The following LMO7 variants were observed in gnomAD, a reference collection of about 807,000 sequenced individuals.
The protein encoded by LMO7 is LIM domain only protein 7.
In LMO7, 120 loss-of-function variants were observed where a neutral mutation model predicts 206.5. That is an observed-to-expected ratio of 0.58 (90% CI 0.50 to 0.68). The LOEUF is 0.68. Ranked by LOEUF, LMO7 falls within the 30% of genes least tolerant of loss-of-function variation. The pLI is 0.00. For synonymous variants in LMO7, 706 were observed against 681.5 expected (o/e 1.04, Z -0.56); for missense variants, 1,959 against 1,957.9 (o/e 1.00, Z -0.01).
chr13:75,727,101 A>T lies in LMO7; in HGVS notation c.210+3A>T. On this transcript the variant is annotated splice_donor_region_variant and intron_variant, in intron 3 of 30. Transcript: ENST00000377534. Reference sequence around the variant, plus strand: ...TGTCTACACCAATAGCAGGATTGGTAAGTAGTAAATTATCTTCACAACTAA... The same window carrying T: ...TGTCTACACCAATAGCAGGATTGGTTAGTAGTAAATTATCTTCACAACTAA... 6.5e-7 allele frequency: 1 copy of T among 1,546,802 alleles called. No homozygotes were observed. Among genetic ancestry groups the T allele is most frequent in the Non-Finnish European group, 8.9e-7 (1 of 1,121,412 alleles).
chr13:75,620,802 T>G (rs924927951), exon 1 of LMO7: 13 of 152,194 alleles, frequency 8.5e-5, no homozygotes, highest in African/African-American at 2.4e-4. Flanking sequence ...AGTGGCTGCG[T>G]TATGAAAATT....
intron 6 of LMO7, 23 bp downstream of exon 6, chr13:75,796,772 A>G: frequency 7.5e-7 from 1 of 1,337,482 alleles, no homozygotes; most frequent in Non-Finnish European, 1.1e-6. Flanking sequence ...CATCTGTGTG[A>G]GATTACTGCT....
At chr13:75,790,229 C>T (rs1266668028) in intron 4 of LMO7, among the ~76,000 whole-genome samples, 1 of 152,134 alleles carries the variant, frequency 6.6e-6, no homozygotes, top group Non-Finnish European at 1.5e-5. Context: ...CCAGCCACTG[C>T]CCTGTCCCCT....
At chr13:75,684,050 CAG>C (rs960747164) in intron 1 of LMO7, among the ~76,000 whole-genome samples, 44 of 152,010 alleles carry the variant, frequency 2.9e-4, no homozygotes, top group African/African-American at 1.0e-3. Context: ...GGAGGGGGGA[CAG>C]AATGAGGCAT....
chr13:75,636,352 C>G lies in LMO7; in HGVS notation c.-306C>G, dbSNP rs1173813914. The stretch of plus-strand genomic sequence containing the variant: ...TCCAAACTGTCGTCGGGGCTGGTGC[C>G]GCGCGCTGCCGCTGGGCACCCGCTT... On this transcript the variant is annotated 5_prime_UTR_variant, in exon 1 of 31. Transcript: ENST00000377534. 24 of 1,230,560 alleles carry G rather than the reference C, an allele frequency of 2.0e-5. No homozygotes were observed. Among genetic ancestry groups the G allele is most frequent in the Non-Finnish European group, 2.4e-5 (24 of 980,744 alleles). The allele number at this position is 1,230,560 out of a possible 1,614,324, so 76.2% of individuals were successfully genotyped here.
At chr13:75,847,111 G>C (rs1426907473) in intron 26 of LMO7, among the ~76,000 whole-genome samples, 2 of 151,528 alleles carry the variant, frequency 1.3e-5, no homozygotes, top group African/African-American at 4.8e-5. Flanking sequence ...TGTAAGTATA[G>C]TTGTATAAGA....
At chr13:75,686,544 T>A (rs1348222090) in intron 1 of LMO7, among the ~76,000 whole-genome samples, 6 of 150,988 alleles carry the variant, frequency 4.0e-5, no homozygotes, top group Admixed American at 3.3e-4. Context: ...TTTTTTTTTT[T>A]AAACTCTCTG....
chr13:75,764,127 G>A (rs910611593), intron 4 of LMO7, among the ~76,000 whole-genome samples: 1 of 152,030 alleles, frequency 6.6e-6, no homozygotes, highest in African/African-American at 2.4e-5. Context: ...CAAGCATCAG[G>A]TGACACCTTT....
chr13:75,698,102 G>GA (rs2042024573), intron 1 of LMO7, among the ~76,000 whole-genome samples: 1 of 152,044 alleles, frequency 6.6e-6, no homozygotes, highest in African/African-American at 2.4e-5. Flanking sequence ...ATGTACCTGA[G>GA]AAAACCTTGT....
intron 3 of LMO7, among the ~76,000 whole-genome samples, chr13:75,751,382 G>C (rs530789845): frequency 6.6e-6 from 1 of 151,796 alleles, no homozygotes; most frequent in African/African-American, 2.4e-5. Context: ...GGATGGTTTC[G>C]ATCTCCTGAC....
At position 75,855,329 on chromosome 13, in the gene LMO7, C is replaced by T. The variant is rs755768286; in HGVS notation, c.4731C>T (p.Ile1577=). 11 of 1,613,734 alleles carry T rather than the reference C, an allele frequency of 6.8e-6. No homozygotes were observed. Among genetic ancestry groups the T allele is most frequent in the South Asian group, 4.4e-5 (4 of 91,058 alleles). The stretch of plus-strand genomic sequence containing the variant: ...TGGGCAAAGGAGCCGCCATGATCAT[C>T]GAGTCCCTGGGTCTTTGTTATCATT... ...NILGKGAAMI[I]ESLGLCYHLH... Residue 1577 remains isoleucine (I), a synonymous_variant, in exon 29 of 31, where the codon ATC becomes ATT. Transcript: ENST00000377534.
chr13:75,794,313 G>GT (rs1249460274), intron 4 of LMO7, among the ~76,000 whole-genome samples: 1 of 151,906 alleles, frequency 6.6e-6, no homozygotes, highest in Non-Finnish European at 1.5e-5. Context: ...TTGTTGAGAT[G>GT]TTTTTTTGGG....
intron 1 of LMO7, among the ~76,000 whole-genome samples, chr13:75,668,365 A>G (rs1356720070): frequency 6.6e-6 from 1 of 152,196 alleles, no homozygotes; most frequent in Non-Finnish European, 1.5e-5. Flanking sequence ...CCTGTGGTTC[A>G]GGGGCCATCT....
intron 4 of LMO7, among the ~76,000 whole-genome samples, chr13:75,787,347 G>A (rs866985307): frequency 6.6e-6 from 1 of 152,156 alleles, no homozygotes; most frequent in Non-Finnish European, 1.5e-5. Flanking sequence ...CCACCTTTCG[G>A]CTCCTGCAGC....
At chr13:75,693,209 G>A (rs1208881868) in intron 1 of LMO7, among the ~76,000 whole-genome samples, 2 of 152,170 alleles carry the variant, frequency 1.3e-5, no homozygotes, top group African/African-American at 2.4e-5. Flanking sequence ...AGACTAGTAT[G>A]CATGATATAA....
chr13:75,850,950 G>A (rs2060450688), intron 27 of LMO7, among the ~76,000 whole-genome samples: 2 of 152,158 alleles, frequency 1.3e-5, no homozygotes, highest in African/African-American at 4.8e-5. Context: ...ACTAGTTGAG[G>A]GGCCTGTGTT....
At chr13:75,760,777 A>AT (rs1013404315) in intron 3 of LMO7, 155 bp from the exon 4 acceptor site, 24 of 1,539,102 alleles carry the variant, frequency 1.6e-5, no homozygotes, top group East Asian at 9.8e-5. Context: ...AGCCCTATGT[A>AT]TTTTTTTTCA....
chr13:75,678,700 T>C (rs1053505535), intron 1 of LMO7, among the ~76,000 whole-genome samples: 3 of 152,242 alleles, frequency 2.0e-5, no homozygotes, highest in Non-Finnish European at 2.9e-5. Context: ...TTAAAAATAA[T>C]GTTCTAGTCT....
chr13:75,766,498 T>A (rs1270803386), intron 4 of LMO7, among the ~76,000 whole-genome samples: 1 of 152,128 alleles, frequency 6.6e-6, no homozygotes, highest in African/African-American at 2.4e-5. Flanking sequence ...GCATCTTCTA[T>A]GTGGCATATA....
Sources: gnomAD v4.1 joint callset for allele counts (sites outside exome capture counted in the v4.1 genomes callset) on GRCh38, gnomAD v4.1.1 for gene constraint, MANE v1.5 for transcripts, NCBI Gene and HGNC (gene_info 2026-07-23, HGNC 2026-07-21) for gene names.